Variants in FHIT observed in about 807,000 individuals in gnomAD.
FHIT encodes fragile histidine triad diadenosine triphosphatase.
Under a neutral mutation model 17.9 loss-of-function variants are expected in FHIT, and 19 were observed. The ratio of observed to expected loss-of-function variants is 1.06; its 90% CI spans 0.74 to 1.56. FHIT has a LOEUF of 1.56. FHIT is among the 40% of genes most tolerant of loss of function. FHIT has a pLI of 0.00. For synonymous variants in FHIT, 81 were observed against 69.7 expected (o/e 1.16, Z -0.81); for missense variants, 248 against 189.2 (o/e 1.31, Z -1.82).
chr3:60,193,656 C>T (rs1453423080), intron 5 of FHIT, among the ~76,000 whole-genome samples: 1 of 152,148 alleles, frequency 6.6e-6, no homozygotes, highest in Non-Finnish European at 1.5e-5. Flanking sequence ...CTTGCTCAAG[C>T]ATTCAAATAT....
chr3:61,205,254 C>A (rs529271073), intron 1 of FHIT, among the ~76,000 whole-genome samples: 1 of 152,234 alleles, frequency 6.6e-6, no homozygotes, highest in East Asian at 1.9e-4. Context: ...CAAGTCTTTG[C>A]TATTGTGAAT....
intron 3 of FHIT, among the ~76,000 whole-genome samples, chr3:60,993,915 G>T (rs1200807802): frequency 2.6e-5 from 4 of 152,156 alleles, no homozygotes; most frequent in African/African-American, 9.7e-5. Flanking sequence ...GCCAGTGACA[G>T]TAGCCATGAG....
At chr3:59,919,824 C>A (rs1705317090) in intron 8 of FHIT, among the ~76,000 whole-genome samples, 1 of 152,218 alleles carries the variant, frequency 6.6e-6, no homozygotes, top group South Asian at 2.1e-4. Context: ...TGCCATCCCT[C>A]ATCACTCCAT....
At chr3:60,099,806 A>C (rs771814036) in intron 5 of FHIT, among the ~76,000 whole-genome samples, 11 of 152,154 alleles carry the variant, frequency 7.2e-5, no homozygotes, top group African/African-American at 1.4e-4. Flanking sequence ...GCTCCATCAT[A>C]TGTCATAGAG....
intron 5 of FHIT, among the ~76,000 whole-genome samples, chr3:60,106,168 T>C (rs905503886): frequency 6.6e-6 from 1 of 152,220 alleles, no homozygotes; most frequent in Non-Finnish European, 1.5e-5. Context: ...TGTTGTGGTA[T>C]GGCAGTGCTT....
intron 3 of FHIT, among the ~76,000 whole-genome samples, chr3:60,966,561 T>G (rs1709756149): frequency 6.6e-6 from 1 of 152,212 alleles, no homozygotes; most frequent in African/African-American, 2.4e-5. Flanking sequence ...TCAGCCATCT[T>G]GGAACCTCCT....
intron 5 of FHIT, among the ~76,000 whole-genome samples, chr3:60,358,660 C>G (rs143686326): frequency 1.1e-4 from 17 of 152,270 alleles, no homozygotes; most frequent in African/African-American, 4.1e-4. Context: ...GGGCTGATAA[C>G]ACAGATACAA....
chr3:60,781,023 C>T (rs1700367881), intron 4 of FHIT, among the ~76,000 whole-genome samples: 1 of 152,144 alleles, frequency 6.6e-6, no homozygotes, highest in Non-Finnish European at 1.5e-5. Flanking sequence ...TTTTCTTGGC[C>T]ATGGGACAGA....
At chr3:61,122,442 T>C (rs1442901590) in intron 2 of FHIT, among the ~76,000 whole-genome samples, 1 of 152,112 alleles carries the variant, frequency 6.6e-6, no homozygotes, top group Non-Finnish European at 1.5e-5. Flanking sequence ...GACATAAACA[T>C]GGGCAAAGAC....
chr3:60,351,611 C>A (rs1699398109), intron 5 of FHIT, among the ~76,000 whole-genome samples: 1 of 152,178 alleles, frequency 6.6e-6, no homozygotes, highest in Admixed American at 6.6e-5. Flanking sequence ...GATGAGCTAA[C>A]TGATAATACC....
At chr3:61,206,943 T>C (rs909176947) in intron 1 of FHIT, among the ~76,000 whole-genome samples, 2 of 152,194 alleles carry the variant, frequency 1.3e-5, no homozygotes, top group Non-Finnish European at 2.9e-5. Context: ...CAGTATGATA[T>C]TGGCTGTGGG....
At chr3:60,879,972 T>C (rs1416752920) in intron 3 of FHIT, among the ~76,000 whole-genome samples, 1 of 152,052 alleles carries the variant, frequency 6.6e-6, no homozygotes, top group East Asian at 1.9e-4. Context: ...AAACCTAATT[T>C]AATTATCTAA....
At chr3:61,045,335 C>A (rs2107702682) in intron 2 of FHIT, among the ~76,000 whole-genome samples, 1 of 152,246 alleles carries the variant, frequency 6.6e-6, no homozygotes, top group East Asian at 1.9e-4. Flanking sequence ...GCAGGGCTTG[C>A]AATCCTAGTC....
chr3:60,213,643 C>T (rs1703560235), intron 5 of FHIT, among the ~76,000 whole-genome samples: 1 of 152,162 alleles, frequency 6.6e-6, no homozygotes, highest in South Asian at 2.1e-4. Context: ...TTTTGGCCTT[C>T]TCCACACTTT....
intron 4 of FHIT, among the ~76,000 whole-genome samples, chr3:60,764,657 C>T (rs2108061297): frequency 6.6e-6 from 1 of 151,936 alleles, no homozygotes; most frequent in East Asian, 1.9e-4. Flanking sequence ...TTGACTCACT[C>T]TGTAAGATAT....
chr3:60,204,559 G>C (rs1216395243), intron 5 of FHIT, among the ~76,000 whole-genome samples: 2 of 151,714 alleles, frequency 1.3e-5, no homozygotes, highest in African/African-American at 4.8e-5. Flanking sequence ...CCAAAGTGCT[G>C]GGATTACAGG....
intron 3 of FHIT, among the ~76,000 whole-genome samples, chr3:61,034,250 A>C (rs1433384495): frequency 6.6e-6 from 1 of 152,182 alleles, no homozygotes; most frequent in Non-Finnish European, 1.5e-5. Context: ...CAACAAAAGA[A>C]AAAATAGATA....
At chr3:61,202,100 A>G (rs568252155) in intron 1 of FHIT, among the ~76,000 whole-genome samples, 7 of 151,832 alleles carry the variant, frequency 4.6e-5, no homozygotes, top group Middle Eastern at 3.4e-3. Flanking sequence ...ACGCACATAC[A>G]CACACATATA....
At chr3:60,516,715 TTA>T (rs1208907003) in intron 5 of FHIT, among the ~76,000 whole-genome samples, 1 of 152,190 alleles carries the variant, frequency 6.6e-6, no homozygotes, top group African/African-American at 2.4e-5. Context: ...AGCATAAATA[TTA>T]TATGTTAGAT....
Sources: gnomAD v4.1 joint callset for allele counts (sites outside exome capture counted in the v4.1 genomes callset) on GRCh38, gnomAD v4.1.1 for gene constraint, MANE v1.5 for transcripts, NCBI Gene and HGNC (gene_info 2026-07-23, HGNC 2026-07-21) for gene names.